HECW1: variants seen among roughly 807,000 people sequenced by gnomAD.
The protein encoded by HECW1 is HECT, C2 and WW domain containing E3 ubiquitin protein ligase 1, also known as E3 ubiquitin-protein ligase HECW1.
Under a neutral mutation model 182.3 loss-of-function variants are expected in HECW1, and 61 were observed. The observed-to-expected ratio is 0.33, with a 90% confidence interval of 0.27 to 0.41. HECW1 has a LOEUF of 0.41. Ranked by LOEUF, HECW1 falls within the 10% of genes least tolerant of loss-of-function variation. The pLI is 1.00. For synonymous variants in HECW1, 859 were observed against 832.6 expected (o/e 1.03, Z -0.55); for missense variants, 1,739 against 2,108.9 (o/e 0.82, Z 3.44).
chr7:43,361,128 T>C (rs1346057177), intron 6 of HECW1, 148 bp downstream of exon 6: 2 of 540,236 alleles, frequency 3.7e-6, no homozygotes, highest in Non-Finnish European at 6.5e-6. Flanking sequence ...ACTGATAGAT[T>C]GATTATGAAT....
At chr7:43,168,624 C>CA (rs1791372023) in intron 2 of HECW1, among the ~76,000 whole-genome samples, 2 of 152,100 alleles carry the variant, frequency 1.3e-5, no homozygotes, top group Non-Finnish European at 2.9e-5. Context: ...TGTACCACTA[C>CA]ACTTCAGCCT....
At chr7:43,317,199 G>A (rs1339334521) in intron 4 of HECW1, among the ~76,000 whole-genome samples, 1 of 152,156 alleles carries the variant, frequency 6.6e-6, no homozygotes, top group African/African-American at 2.4e-5. Context: ...AGCATCCTGT[G>A]TCTACTCTCT....
intron 2 of HECW1, among the ~76,000 whole-genome samples, chr7:43,204,636 T>C (rs959077655): frequency 2.0e-5 from 3 of 152,140 alleles, no homozygotes; most frequent in African/African-American, 7.2e-5. Flanking sequence ...TTCTAGTCAG[T>C]ACTACTGCAG....
intron 6 of HECW1, among the ~76,000 whole-genome samples, chr7:43,366,217 TAAAA>T (rs1167414841): frequency 6.6e-6 from 1 of 150,940 alleles, no homozygotes; most frequent in Non-Finnish European, 1.5e-5. Flanking sequence ...ACTATTCTCT[TAAAA>T]AAAAAGGCAA....
chr7:43,517,010 C>T (rs1035859110), intron 24 of HECW1, among the ~76,000 whole-genome samples: 4 of 152,108 alleles, frequency 2.6e-5, no homozygotes, highest in Admixed American at 2.0e-4. Context: ...TTGAGACCGC[C>T]GTTGTATATG....
chr7:43,221,537 G>GTTTTGTT (rs1796946038), intron 2 of HECW1, among the ~76,000 whole-genome samples: 1 of 50,500 alleles, frequency 2.0e-5, no homozygotes, highest in Non-Finnish European at 3.4e-5. Context: ...GAGGAATTAG[G>GTTTTGTT]TTTTTTTTTT....
chr7:43,156,336 T>C (rs1297460821), intron 2 of HECW1, among the ~76,000 whole-genome samples: 1 of 152,228 alleles, frequency 6.6e-6, no homozygotes, highest in Non-Finnish European at 1.5e-5. Flanking sequence ...GAATGAATTA[T>C]GGGGTGTGCC....
At chr7:43,472,434 G>T (rs958157664) in intron 16 of HECW1, among the ~76,000 whole-genome samples, 1 of 151,976 alleles carries the variant, frequency 6.6e-6, no homozygotes, top group Non-Finnish European at 1.5e-5. Flanking sequence ...AGAAATCTTT[G>T]TTTTGCTCAT....
rs1583551057 is a variant in HECW1, at chr7:43,114,346, A to C, written c.-77A>C. Reference sequence around the variant, plus strand: ...AAGGCGTCTCAAAGCAGGTGGCCAGATCTGCGTTTCTCATCAGCAGACTCA... The same window carrying C: ...AAGGCGTCTCAAAGCAGGTGGCCAGCTCTGCGTTTCTCATCAGCAGACTCA... On this transcript the variant is annotated 5_prime_UTR_variant, in exon 2 of 30. Transcript: ENST00000395891. The C allele has an allele frequency of 7.4e-7, 1 of 1,358,540 alleles. No homozygotes were observed. Among genetic ancestry groups the C allele is most frequent in the East Asian group, 3.6e-5 (1 of 28,000 alleles). The allele number at this position is 1,358,540 out of a possible 1,614,324, so 84.2% of individuals were successfully genotyped here.
chr7:43,132,422 G>A (rs568172567), intron 2 of HECW1, among the ~76,000 whole-genome samples: 11 of 152,024 alleles, frequency 7.2e-5, no homozygotes, highest in East Asian at 1.9e-4. Flanking sequence ...CGAATGGATC[G>A]CCCCTAAATC....
At chr7:43,454,999 G>T (rs993220570) in intron 12 of HECW1, among the ~76,000 whole-genome samples, 6 of 152,130 alleles carry the variant, frequency 3.9e-5, no homozygotes, top group Non-Finnish European at 2.9e-5. Flanking sequence ...TGTACAGCAG[G>T]CATTGCTCTT....
At chr7:43,392,774 T>G (rs1297236899) in intron 6 of HECW1, among the ~76,000 whole-genome samples, 1 of 152,184 alleles carries the variant, frequency 6.6e-6, no homozygotes, top group Non-Finnish European at 1.5e-5. Context: ...GGGTAAAATT[T>G]GAATAACATG....
intron 3 of HECW1, among the ~76,000 whole-genome samples, chr7:43,288,232 G>A (rs1804912484): frequency 6.6e-6 from 1 of 152,136 alleles, no homozygotes; most frequent in African/African-American, 2.4e-5. Context: ...AGCTGGACAT[G>A]CTGCAGTGAA....
intron 3 of HECW1, among the ~76,000 whole-genome samples, chr7:43,256,259 C>T (rs1452403914): frequency 6.6e-6 from 1 of 152,168 alleles, no homozygotes; most frequent in Non-Finnish European, 1.5e-5. Flanking sequence ...CATTGAAGAT[C>T]TCATGGAGCA....
intron 5 of HECW1, among the ~76,000 whole-genome samples, chr7:43,322,172 C>T (rs974340562): frequency 6.6e-6 from 1 of 152,162 alleles, no homozygotes; most frequent in African/African-American, 2.4e-5. Context: ...CGGGTTCAAG[C>T]GATTCTGCTG....
intron 2 of HECW1, among the ~76,000 whole-genome samples, chr7:43,175,662 G>A (rs1398125089): frequency 6.6e-6 from 1 of 152,164 alleles, no homozygotes; most frequent in Non-Finnish European, 1.5e-5. Flanking sequence ...TCTAATCTTT[G>A]CTAGACCTTG....
At chr7:43,151,130 CAG>C (rs746108543) in intron 2 of HECW1, 2 of 152,712 alleles carry the variant, frequency 1.3e-5, no homozygotes, top group Non-Finnish European at 2.9e-5. Flanking sequence ...GGTCCCAAGA[CAG>C]AGGCTGGAGA....
chr7:43,114,697 G>T lies in HECW1; in HGVS notation c.-32+306G>T, dbSNP rs1171461618. Among the ~76,000 whole-genome samples, 4 of 152,166 alleles carry T rather than the reference G, an allele frequency of 2.6e-5. No individual in the cohort carries two copies. The South Asian group carries it at 8.3e-4, about 32-fold the overall frequency. On this transcript the variant is annotated intron_variant, in intron 2 of 29. Transcript: ENST00000395891. ...AATTCCACACTATAATCCCAGTCTA[G>T]TGCAGTTGGCTGCTTTGTGGAATGA...
At chr7:43,230,368 T>C (rs1797776065) in intron 2 of HECW1, among the ~76,000 whole-genome samples, 1 of 152,196 alleles carries the variant, frequency 6.6e-6, no homozygotes, top group African/African-American at 2.4e-5. Context: ...TACTCCAGCC[T>C]GGGTGACAGA....
Sources: gnomAD v4.1 joint callset for allele counts (sites outside exome capture counted in the v4.1 genomes callset) on GRCh38, gnomAD v4.1.1 for gene constraint, MANE v1.5 for transcripts, NCBI Gene and HGNC (gene_info 2026-07-23, HGNC 2026-07-21) for gene names.